HIVEP1: variants seen among roughly 807,000 people sequenced by gnomAD.
HIVEP1 encodes zinc finger protein 40.
Under a neutral mutation model 180.0 loss-of-function variants are expected in HIVEP1, and 36 were observed. That is an observed-to-expected ratio of 0.20 (90% CI 0.15 to 0.26). HIVEP1 has a LOEUF of 0.26. Ranked by LOEUF, HIVEP1 falls within the 10% of genes least tolerant of loss-of-function variation. The pLI, the probability that HIVEP1 is intolerant of heterozygous loss-of-function variation, is 1.00. For synonymous variants in HIVEP1, 1,239 were observed against 1,239.0 expected, an observed-to-expected ratio of 1.00 and a Z score of 0.00; for missense variants, 3,143 against 3,268.7, an observed-to-expected ratio of 0.96 and a Z score of 0.94.
Position 12,122,514 on chromosome 6 carries a change from G to T in HIVEP1, c.2719G>T (p.Ala907Ser), listed in dbSNP as rs375744534. The change falls in exon 4 of 9, where the codon GCA becomes TCA. Residue 907 changes from alanine to serine, a missense_variant. By Grantham distance (99) the Ala-to-Ser change is moderately conservative. Coordinates refer to ENST00000379388, the MANE Select transcript of HIVEP1 (RefSeq NM_002114.4). ...VRQAAIEDSS[A>S]NESHVLGTGQ... is the part of the protein sequence containing the mutation. Reference sequence around the variant, plus strand: ...ACAAGCAGCCATAGAAGACTCTTCAGCAAATGAAAGTCATGTTCTTGGTAC... The same window carrying T: ...ACAAGCAGCCATAGAAGACTCTTCATCAAATGAAAGTCATGTTCTTGGTAC... 1.2e-6 allele frequency: 2 copies of T among 1,614,194 alleles called. No homozygotes were observed. The highest frequency in any genetic ancestry group is 2.2e-5 in the South Asian group (2 of 91,080).
At chr6:12,036,953 A>C (rs1419836825) in intron 2 of HIVEP1, among the ~76,000 whole-genome samples, 1 of 152,170 alleles carries the variant, frequency 6.6e-6, no homozygotes, top group Non-Finnish European at 1.5e-5. Context: ...TCCAGAGAAG[A>C]TGGTGTGGAG....
intron 4 of HIVEP1, among the ~76,000 whole-genome samples, chr6:12,126,316 C>G (rs556573442): frequency 2.0e-5 from 3 of 152,178 alleles, no homozygotes; most frequent in African/African-American, 7.2e-5. Flanking sequence ...AAGCAGAAAG[C>G]CATTTAGACT....
chr6:12,201,306 G>T, the HIVEP1 span, among the ~76,000 whole-genome samples: 1 of 152,058 alleles, frequency 6.6e-6, no homozygotes. Flanking sequence ...GGGAAACCCC[G>T]TTTCTATAAA....
At chr6:12,041,217 C>T (rs1052844221) in intron 2 of HIVEP1, among the ~76,000 whole-genome samples, 12 of 151,892 alleles carry the variant, frequency 7.9e-5, no homozygotes, top group Admixed American at 2.0e-4. Flanking sequence ...GTCAGGAGAT[C>T]GAGACCATCC....
chr6:12,192,677 C>T, the HIVEP1 span, among the ~76,000 whole-genome samples: 29 of 152,240 alleles, frequency 1.9e-4, no homozygotes, highest in Non-Finnish European at 1.3e-4. Context: ...TGCCCTTCCT[C>T]TATGATTGTA....
In HIVEP1 at chr6:12,129,744, C is replaced by CT. The variant is rs747973735; in HGVS notation, c.6076-9dup. ...TCAGTTTTATTAAATTAGTTTCTCTCTTTTTTCCTTTCAGAGAGCATTAGG... is the reference window on the plus strand; with the variant it reads ...TCAGTTTTATTAAATTAGTTTCTCTCTTTTTTTCCTTTCAGAGAGCATTAGG... On this transcript the variant is annotated splice_polypyrimidine_tract_variant and intron_variant, in intron 4 of 8. Coordinates refer to ENST00000379388, the MANE Select transcript of HIVEP1 (RefSeq NM_002114.4). The CT allele has an allele frequency of 1.5e-5, 24 of 1,588,212 alleles. No homozygotes were observed. In the East Asian group the frequency reaches 3.4e-4, roughly 22 times the overall value.
At chr6:12,195,722 G>A in the HIVEP1 span, among the ~76,000 whole-genome samples, 1 of 152,210 alleles carries the variant, frequency 6.6e-6, no homozygotes, top group Non-Finnish European at 1.5e-5. Flanking sequence ...ACCTGTGTAC[G>A]ATAATCATGA....
intron 3 of HIVEP1, among the ~76,000 whole-genome samples, chr6:12,099,460 C>G (rs1773979209): frequency 1.3e-5 from 2 of 152,132 alleles, no homozygotes; most frequent in African/African-American, 4.8e-5. Context: ...GCCACCGCGC[C>G]CGGCCTCACT....
In HIVEP1 at chr6:12,072,401, C is replaced by T. The variant is rs539694802; in HGVS notation, c.41-16783C>T. Among the ~76,000 whole-genome samples, 10 of 152,232 alleles carry T rather than the reference C, an allele frequency of 6.6e-5. No individual in the cohort carries two copies. The South Asian group carries it at 1.2e-3, about 19-fold the overall frequency. On this transcript the variant is annotated intron_variant, in intron 2 of 8. Transcript: ENST00000379388. ...TCCCTCCCCTTCCCCTCTCCCACTT[C>T]GTGCCCCTCCCTTTCCTCATCTCTA...
In HIVEP1 at chr6:12,149,599, C is replaced by T. The variant is rs3777765; in HGVS notation, c.6488-11840C>T. ...AGCTCATAGCGTTCTGGAAAAAGCC[C>T]AGGTCTTATGCTGTGTTTGTGCTGA... is the stretch of plus-strand genomic sequence containing the variant. On this transcript the variant is annotated intron_variant, in intron 7 of 8. Coordinates refer to ENST00000379388, the MANE Select transcript of HIVEP1 (RefSeq NM_002114.4). 1.1e-3 allele frequency among the ~76,000 whole-genome samples: 163 copies of T among 152,268 alleles called. 5 individuals are homozygous for T. The East Asian group carries it at 0.028, about 26-fold the overall frequency.
intron 2 of HIVEP1, among the ~76,000 whole-genome samples, chr6:12,021,945 A>G (rs534369924): frequency 6.6e-6 from 1 of 152,128 alleles, no homozygotes; most frequent in African/African-American, 2.4e-5. Flanking sequence ...GATTACAGGC[A>G]TGAGCCACTT....
At chr6:12,203,929 T>C in the HIVEP1 span, among the ~76,000 whole-genome samples, 1 of 152,008 alleles carries the variant, frequency 6.6e-6, no homozygotes, top group Non-Finnish European at 1.5e-5. Flanking sequence ...ATACAAAAAT[T>C]AGCTGGGTGT....
intron 3 of HIVEP1, among the ~76,000 whole-genome samples, chr6:12,105,897 C>T (rs935218618): frequency 6.6e-6 from 1 of 151,998 alleles, no homozygotes; most frequent in Admixed American, 6.5e-5. Flanking sequence ...TGCTTAAGAT[C>T]TGTTTCTACT....
chr6:12,118,856 A>T (rs762804518), intron 3 of HIVEP1, among the ~76,000 whole-genome samples: 2 of 152,256 alleles, frequency 1.3e-5, no homozygotes, highest in African/African-American at 2.4e-5. Flanking sequence ...AAATTATATT[A>T]GCAGCCCCTT....
At chr6:12,100,819 A>G (rs115944649) in intron 3 of HIVEP1, among the ~76,000 whole-genome samples, 1,883 of 152,278 alleles carry the variant, frequency 0.012, 56 homozygotes, top group African/African-American at 0.043. Context: ...ATGATGCTCA[A>G]AAGAAATGCT....
chr6:12,057,014 C>G (rs1353961410), intron 2 of HIVEP1, among the ~76,000 whole-genome samples: 1 of 151,712 alleles, frequency 6.6e-6, no homozygotes, highest in East Asian at 1.9e-4. Flanking sequence ...TTTTTTAAAT[C>G]TTTTTTGGTA....
At chr6:12,135,931 T>C in intron 7 of HIVEP1, 39 bp downstream of exon 7, 1 of 1,371,352 alleles carries the variant, frequency 7.3e-7, no homozygotes, top group South Asian at 1.2e-5. Flanking sequence ...ATGCTATTTA[T>C]AATGTACAAT....
intron 3 of HIVEP1, among the ~76,000 whole-genome samples, chr6:12,111,702 C>G (rs1212533929): frequency 6.6e-6 from 1 of 152,232 alleles, no homozygotes; most frequent in Non-Finnish European, 1.5e-5. Context: ...TTCAGTTGTT[C>G]AATACCTCTG....
the HIVEP1 span, among the ~76,000 whole-genome samples, chr6:12,198,958 G>T: frequency 6.6e-6 from 1 of 152,180 alleles, no homozygotes; most frequent in African/African-American, 2.4e-5. Context: ...AGAAGCTCTC[G>T]TGTTAACACA....
Sources: gnomAD v4.1 joint callset for allele counts (sites outside exome capture counted in the v4.1 genomes callset) on GRCh38, gnomAD v4.1.1 for gene constraint, MANE v1.5 for transcripts, NCBI Gene and HGNC (gene_info 2026-07-23, HGNC 2026-07-21) for gene names.